TMEM100: variants seen among roughly 807,000 people sequenced by gnomAD.
The protein encoded by TMEM100 is transmembrane protein 100.
For missense variants in TMEM100, 137 were observed against 168.2 expected (o/e 0.81, Z 1.02); for synonymous variants, 61 against 67.1 (o/e 0.91, Z 0.44).
chr17:55,724,250 C>G (rs1909003000), upstream of TMEM100, among the ~76,000 whole-genome samples: 1 of 152,210 alleles, frequency 6.6e-6, no homozygotes. Context: ...TAGCAATACC[C>G]TGATGACTTG....
chr17:55,723,933 A>G (rs1213602918), upstream of TMEM100, among the ~76,000 whole-genome samples: 1 of 152,232 alleles, frequency 6.6e-6, no homozygotes, highest in African/African-American at 2.4e-5. Context: ...CAAACTGTGA[A>G]ATTTTTAAAA....
intron 1 of TMEM100, among the ~76,000 whole-genome samples, chr17:55,728,808 G>T (rs949588454): frequency 3.3e-5 from 5 of 152,150 alleles, no homozygotes; most frequent in African/African-American, 7.2e-5. Flanking sequence ...GTGTGTGTAG[G>T]GGGTAGGGGG....
chr17:55,720,933 T>C lies in TMEM100; in HGVS notation c.138A>G (p.Thr46=), dbSNP rs199855763. 6.2e-7 allele frequency: 1 copy of C among 1,614,240 alleles called. No homozygotes were observed. Among genetic ancestry groups the C allele is most frequent in the African/African-American group, 1.3e-5 (1 of 75,062 alleles). Residue 46 remains threonine (T), a synonymous_variant, in exon 2 of 2, where the codon ACA becomes ACG. Coordinates refer to ENST00000424486, the MANE Select transcript of TMEM100 (RefSeq NM_018286.3). ...LVSEIQLMAA[T]GGTELSCYRC... Reference sequence around the variant, plus strand: ...GGTAGCAGGAGAGCTCGGTACCCCCTGTAGCAGCCATCAACTGAATCTCAC... The same window carrying C: ...GGTAGCAGGAGAGCTCGGTACCCCCCGTAGCAGCCATCAACTGAATCTCAC...
Position 55,720,645 on chromosome 17 carries a change from C to G in TMEM100, c.*21G>C. On this transcript the variant is annotated 3_prime_UTR_variant, in exon 2 of 2. Coordinates refer to ENST00000424486, the MANE Select transcript of TMEM100 (RefSeq NM_018286.3). The stretch of plus-strand genomic sequence containing the variant: ...AGAGCACGTTTTCCAGGCCCAATGG[C>G]CCATTTGGTCGTATTCAGTCTCAAG... The G allele has an allele frequency of 6.4e-7, 1 of 1,570,058 alleles. No individual in the cohort carries two copies. The highest frequency in any genetic ancestry group is 8.6e-7 in the Non-Finnish European group (1 of 1,160,220).
chr17:55,721,252 A>G (rs1470516184), intron 1 of TMEM100, 117 bp from the exon 2 acceptor site: 9 of 651,488 alleles, frequency 1.4e-5, no homozygotes, highest in Non-Finnish European at 2.2e-5. Flanking sequence ...GTGAAAAGCA[A>G]CTTTACTCTT....
upstream of TMEM100, among the ~76,000 whole-genome samples, chr17:55,726,101 G>A (rs1909064710): frequency 6.6e-6 from 1 of 152,146 alleles, no homozygotes; most frequent in East Asian, 1.9e-4. Context: ...AATGTCAGAG[G>A]AGTGGTCCTA....
At chr17:55,730,137 T>C (rs1232238139) in intron 1 of TMEM100, among the ~76,000 whole-genome samples, 1 of 152,200 alleles carries the variant, frequency 6.6e-6, no homozygotes. Context: ...TGTTGAGGGG[T>C]TTACCATGAA....
At chr17:55,726,529 A>G (rs1909080367), upstream of TMEM100, among the ~76,000 whole-genome samples, 1 of 152,126 alleles carries the variant, frequency 6.6e-6, no homozygotes, top group Admixed American at 6.5e-5. Context: ...GCATGCCCCC[A>G]TGTGCATTTG....
At chr17:55,721,210 A>G in intron 1 of TMEM100, 75 bp from the exon 2 acceptor site, 2 of 995,492 alleles carry the variant, frequency 2.0e-6, no homozygotes, top group Admixed American at 3.2e-5. Context: ...AAAGCTGGGG[A>G]GGCACCTCCT....
upstream of TMEM100, among the ~76,000 whole-genome samples, chr17:55,723,662 C>G (rs1287752106): frequency 6.6e-6 from 1 of 152,014 alleles, no homozygotes; most frequent in Non-Finnish European, 1.5e-5. Context: ...ACAGAGACAC[C>G]CTTGGTTTGA....
rs1196426518 is a variant in TMEM100, at chr17:55,719,995, G to A, written c.*671C>T. The A allele has an allele frequency of 1.3e-5, 2 of 152,476 alleles. No homozygotes were observed. Among genetic ancestry groups the A allele is most frequent in the East Asian group, 3.8e-4 (2 of 5,198 alleles). The allele number at this position is 152,476 out of a possible 1,614,324, so 9.4% of individuals were successfully genotyped here. On this transcript the variant is annotated 3_prime_UTR_variant, in exon 2 of 2. Coordinates refer to ENST00000424486, the MANE Select transcript of TMEM100 (RefSeq NM_018286.3). The stretch of plus-strand genomic sequence containing the variant: ...TAAAAATCATCAAAAGTGCTATATT[G>A]GATTATTTTACTATTAATTTAACCC...
chr17:55,730,841 T>C (rs901998572), intron 1 of TMEM100, among the ~76,000 whole-genome samples: 1 of 152,236 alleles, frequency 6.6e-6, no homozygotes, highest in African/African-American at 2.4e-5. Flanking sequence ...TCTCTTTCTT[T>C]AGATAAAATT....
In TMEM100 at chr17:55,720,314, G is replaced by C. The variant is rs73312362; in HGVS notation, c.*352C>G. The C allele has an allele frequency of 5.3e-3, 1,136 of 212,368 alleles. 12 individuals carry two copies. The highest frequency in any genetic ancestry group is 0.024 in the African/African-American group (1,053 of 43,708). The allele number at this position is 212,368 out of a possible 1,614,324, so 13.2% of individuals were successfully genotyped here. A position where few individuals can be genotyped will look rare whatever the true frequency, so the allele number is the denominator to read the frequency against. On this transcript the variant is annotated 3_prime_UTR_variant, in exon 2 of 2. Transcript: ENST00000424486. Reference sequence around the variant, plus strand: ...AGACTGTAGGTTATTTCTTTTGGAGGCAAATGTCTAGTGTGCCAGGCCTAT... The same window carrying C: ...AGACTGTAGGTTATTTCTTTTGGAGCCAAATGTCTAGTGTGCCAGGCCTAT...
At position 55,721,041 on chromosome 17, in the gene TMEM100, C is replaced by T. The variant is rs769410353; in HGVS notation, c.30G>A (p.Leu10=). 1 of 1,613,308 alleles carries T rather than the reference C, an allele frequency of 6.2e-7. No homozygotes were observed. The highest frequency in any genetic ancestry group is 1.1e-5 in the South Asian group (1 of 90,966). Residue 10 remains leucine (L), a synonymous_variant, in exon 2 of 2, where the codon CTG becomes CTA. Coordinates refer to ENST00000424486, the MANE Select transcript of TMEM100 (RefSeq NM_018286.3). The stretch of plus-strand genomic sequence containing the variant: ...CTGCCATGTGAGCCTTTGGGGCTCC[C>T]AGGATCTCCTTGATGGGCTCTTCAG... MTEEPIKEI[L]GAPKAHMAAT... is the part of the protein sequence containing the mutation.
At chr17:55,721,274 G>C (rs1233507327) in intron 1 of TMEM100, 139 bp from the exon 2 acceptor site, 3 of 577,592 alleles carry the variant, frequency 5.2e-6, no homozygotes, top group Non-Finnish European at 8.6e-6. Flanking sequence ...TTTTGAATTG[G>C]TTGCATTCTC....
At chr17:55,730,354 C>A (rs1909174454) in intron 1 of TMEM100, among the ~76,000 whole-genome samples, 2 of 151,944 alleles carry the variant, frequency 1.3e-5, no homozygotes, top group Admixed American at 6.6e-5. Flanking sequence ...TTAATTATTC[C>A]TTATCATTAT....
chr17:55,728,589 G>A (rs955341252), intron 1 of TMEM100, among the ~76,000 whole-genome samples: 3 of 152,208 alleles, frequency 2.0e-5, no homozygotes, highest in African/African-American at 4.8e-5. Flanking sequence ...TTTAGTTCCT[G>A]TGCTCCTTTG....
At chr17:55,725,701 ATGTGTG>A (rs57564459), upstream of TMEM100, among the ~76,000 whole-genome samples, 9,765 of 139,574 alleles carry the variant, frequency 0.07, 578 homozygotes, top group East Asian at 0.15. Flanking sequence ...ACCCATATAT[ATGTGTG>A]TGTGTGTGTG....
upstream of TMEM100, among the ~76,000 whole-genome samples, chr17:55,726,450 A>G (rs1909077924): frequency 1.3e-5 from 2 of 152,104 alleles, no homozygotes; most frequent in African/African-American, 4.8e-5. Flanking sequence ...TGATTTTCCT[A>G]TTGAGTTTGT....
Sources: allele counts gnomAD v4.1 joint callset (sites outside exome capture counted in the v4.1 genomes callset), GRCh38; gene constraint gnomAD v4.1.1; transcripts MANE v1.5; gene names NCBI Gene and HGNC (gene_info 2026-07-23, HGNC 2026-07-21).